The following SLC35F3 variants were observed in gnomAD, a reference collection of about 807,000 sequenced individuals.
SLC35F3 encodes solute carrier family 35 member F3.
A neutral mutation model predicts 49.9 loss-of-function variants in SLC35F3; 25 were observed. The ratio of observed to expected loss-of-function variants is 0.50; its 90% CI spans 0.37 to 0.70. SLC35F3 has a LOEUF of 0.70. SLC35F3 is among the 30% of genes least tolerant of loss of function. The pLI, the probability that SLC35F3 is intolerant of heterozygous loss-of-function variation, is 0.00. For synonymous variants in SLC35F3, 275 were observed against 265.4 expected (o/e 1.04, Z -0.35); for missense variants, 525 against 639.8 (o/e 0.82, Z 1.94).
At chr1:234,070,515 T>A (rs537747852) in intron 2 of SLC35F3, among the ~76,000 whole-genome samples, 1 of 152,360 alleles carries the variant, frequency 6.6e-6, no homozygotes, top group East Asian at 1.9e-4. Context: ...CAGGTCACCT[T>A]GACTAATTTC....
chr1:234,278,506 C>T (rs951654506), intron 3 of SLC35F3, among the ~76,000 whole-genome samples: 9 of 146,028 alleles, frequency 6.2e-5, no homozygotes, highest in South Asian at 2.1e-4. Flanking sequence ...AAAAAAAAAA[C>T]GAAAAAAAAA....
intron 2 of SLC35F3, among the ~76,000 whole-genome samples, chr1:233,912,289 C>T (rs903037981): frequency 6.6e-6 from 1 of 152,060 alleles, no homozygotes; most frequent in Non-Finnish European, 1.5e-5. Flanking sequence ...ACCAGCCTGG[C>T]CAAGATGGTG....
chr1:234,214,710 AGC>A lies in SLC35F3; in HGVS notation c.284-16704_284-16703del. 2 of 1,185,242 alleles carry A rather than the reference AGC, an allele frequency of 1.7e-6. No individual in the cohort carries two copies. The highest frequency in any genetic ancestry group is 2.2e-6 in the Non-Finnish European group (2 of 897,100). The allele number at this position is 1,185,242 out of a possible 1,614,324, so 73.4% of individuals were successfully genotyped here. On this transcript the variant is annotated intron_variant, in intron 2 of 7. Coordinates refer to ENST00000366618, the MANE Select transcript of SLC35F3 (RefSeq NM_173508.4). This position sits in a 1 kb window ranked among gnomAD's most constrained non-coding sequence, Gnocchi z 8.0. Reference sequence around the variant, plus strand: ...CCCAGGACGCGGCTCCGCAGTGCAGAGCGCCGCCGCCTGCGTGGGGGGATCTG... The same window carrying A: ...CCCAGGACGCGGCTCCGCAGTGCAGAGCCGCCGCCTGCGTGGGGGGATCTG...
At chr1:234,179,459 A>G (rs1317863088) in intron 2 of SLC35F3, among the ~76,000 whole-genome samples, 1 of 152,200 alleles carries the variant, frequency 6.6e-6, no homozygotes, top group Non-Finnish European at 1.5e-5. Context: ...ATGTACAATA[A>G]TTGTACATCA....
At position 234,138,979 on chromosome 1, in the gene SLC35F3, A is replaced by G. The variant is rs192575969; in HGVS notation, c.284-92438A>G. Among the ~76,000 whole-genome samples, 5 of 152,282 alleles carry G rather than the reference A, an allele frequency of 3.3e-5. No homozygotes were observed. The East Asian group carries it at 9.7e-4, about 29-fold the overall frequency. On this transcript the variant is annotated intron_variant, in intron 2 of 7. Coordinates refer to ENST00000366618, the MANE Select transcript of SLC35F3 (RefSeq NM_173508.4). ...CTGGTGTGATGCTACTTGTTTCTTG[A>G]GGCTGTTGTGAGGATTAAAGAGTTT...
intron 2 of SLC35F3, among the ~76,000 whole-genome samples, chr1:234,169,479 T>A (rs533804152): frequency 2.2e-4 from 33 of 152,280 alleles, no homozygotes; most frequent in African/African-American, 7.7e-4. Flanking sequence ...TGGGATTGTG[T>A]CACAACGGGC....
chr1:234,285,605 G>A (rs997509010), intron 3 of SLC35F3: 21 of 264,092 alleles, frequency 8.0e-5, no homozygotes, highest in Non-Finnish European at 1.4e-4. Flanking sequence ...ACTTATTTGT[G>A]ATATTTTAAT....
chr1:234,093,500 T>C (rs1665074646), intron 2 of SLC35F3, among the ~76,000 whole-genome samples: 1 of 152,230 alleles, frequency 6.6e-6, no homozygotes, highest in Non-Finnish European at 1.5e-5. Context: ...AGTCCTTTCA[T>C]GGACAAAGAC....
chr1:234,160,234 T>C (rs932718132), intron 2 of SLC35F3, among the ~76,000 whole-genome samples: 15 of 152,324 alleles, frequency 9.8e-5, no homozygotes, highest in Admixed American at 2.6e-4. Flanking sequence ...ATTTTAAAAA[T>C]AGCACCCCTG....
At chr1:234,076,717 TC>T (rs989950832) in intron 2 of SLC35F3, among the ~76,000 whole-genome samples, 1 of 151,948 alleles carries the variant, frequency 6.6e-6, no homozygotes, top group African/African-American at 2.4e-5. Context: ...AGCCTCGCCC[TC>T]CCAAAGTGCT....
At chr1:234,199,978 G>A (rs1666877400) in intron 2 of SLC35F3, among the ~76,000 whole-genome samples, 1 of 152,170 alleles carries the variant, frequency 6.6e-6, no homozygotes, top group South Asian at 2.1e-4. Context: ...CCAAAAAGGT[G>A]AATAATAGCA....
chr1:234,002,141 T>C (rs543955944), intron 2 of SLC35F3, among the ~76,000 whole-genome samples: 1 of 152,206 alleles, frequency 6.6e-6, no homozygotes, highest in Non-Finnish European at 1.5e-5. Context: ...ATGATACTTT[T>C]GGATTTACAG....
chr1:233,956,003 T>C (rs1048497348), intron 2 of SLC35F3, among the ~76,000 whole-genome samples: 1 of 147,570 alleles, frequency 6.8e-6, no homozygotes, highest in African/African-American at 2.5e-5. Context: ...TTCTTCTGCC[T>C]CAGTCTCTCG....
In SLC35F3 at chr1:233,955,404, C is replaced by T. The variant is rs371817385; in HGVS notation, c.283+49646C>T. Among the ~76,000 whole-genome samples the T allele has an allele frequency of 3.1e-4, 47 of 152,282 alleles. 1 individual carries two copies. The South Asian group carries it at 9.8e-3, about 32-fold the overall frequency. ...TATGCCCCAATCTGGTGAATGTCCC[C>T]ACCAGCTCTCTGCTCATCTTGGCCG... On this transcript the variant is annotated intron_variant, in intron 2 of 7. Coordinates refer to ENST00000366618, the MANE Select transcript of SLC35F3 (RefSeq NM_173508.4).
At chr1:234,194,280 C>T (rs542501921) in intron 2 of SLC35F3, among the ~76,000 whole-genome samples, 3 of 152,158 alleles carry the variant, frequency 2.0e-5, no homozygotes, top group Non-Finnish European at 4.4e-5. Flanking sequence ...AAGGAAAGAA[C>T]TAATGGCATT....
Position 234,231,839 on chromosome 1 carries a change from C to A in SLC35F3, c.608+98C>A. On this transcript the variant is annotated intron_variant, in intron 3 of 7. Coordinates refer to ENST00000366618, the MANE Select transcript of SLC35F3 (RefSeq NM_173508.4). This position sits in a 1 kb window ranked among gnomAD's most constrained non-coding sequence, Gnocchi z 5.4. ...CCCTGGTGGCAGGCGCTGGGATGAG[C>A]CGGTGGGAGCCCGTGGAGAGATGTT... 8.6e-7 allele frequency: 1 copy of A among 1,166,610 alleles called. No individual in the cohort carries two copies. The highest frequency in any genetic ancestry group is 1.2e-6 in the Non-Finnish European group (1 of 813,966). The allele number at this position is 1,166,610 out of a possible 1,614,324, so 72.3% of individuals were successfully genotyped here.
chr1:234,014,299 A>C (rs751849315), intron 2 of SLC35F3, among the ~76,000 whole-genome samples: 1 of 152,158 alleles, frequency 6.6e-6, no homozygotes, highest in African/African-American at 2.4e-5. Context: ...TTTTATAATG[A>C]AACTCTCTAC....
chr1:233,940,947 C>T (rs1044460822), intron 2 of SLC35F3, among the ~76,000 whole-genome samples: 7 of 152,138 alleles, frequency 4.6e-5, no homozygotes, highest in East Asian at 1.9e-4. Context: ...ACCCACTGCC[C>T]GTGAAGATAC....
intron 2 of SLC35F3, among the ~76,000 whole-genome samples, chr1:234,002,613 T>C (rs1663570899): frequency 6.6e-6 from 1 of 152,194 alleles, no homozygotes; most frequent in Non-Finnish European, 1.5e-5. Flanking sequence ...CAGTTGACGT[T>C]GGCCTTGATC....
Sources: allele counts gnomAD v4.1 joint callset (sites outside exome capture counted in the v4.1 genomes callset), GRCh38; gene constraint gnomAD v4.1.1; non-coding constraint Gnocchi (gnomAD v3.1); transcripts MANE v1.5; gene names NCBI Gene and HGNC (gene_info 2026-07-23, HGNC 2026-07-21).